FAM120A: variants seen among roughly 807,000 people sequenced by gnomAD.
FAM120A encodes the protein family with sequence similarity 120 member A.
In FAM120A, 15 loss-of-function variants were observed where a neutral mutation model predicts 109.7. The ratio of observed to expected loss-of-function variants is 0.14; its 90% CI spans 0.09 to 0.21. FAM120A has a LOEUF of 0.21. FAM120A is among the 10% of genes least tolerant of loss of function. The pLI, the probability that FAM120A is intolerant of heterozygous loss-of-function variation, is 1.00. For missense variants in FAM120A, 899 were observed against 1,439.3 expected, an observed-to-expected ratio of 0.62 and a Z score of 6.07; for synonymous variants, 493 against 572.8, an observed-to-expected ratio of 0.86 and a Z score of 1.99.
chr9:93,562,171 T>C, intron 16 of FAM120A, 37 bp from the exon 17 acceptor site: 1 of 1,474,172 alleles, frequency 6.8e-7, no homozygotes, highest in Non-Finnish European at 9.5e-7. Context: ...CTGTAACAGA[T>C]TTAAGTGTTT....
At position 93,557,957 on chromosome 9, in the gene FAM120A, C is replaced by T. The variant is rs150176698; in HGVS notation, c.2615C>T (p.Pro872Leu). 3.8e-4 allele frequency: 615 copies of T among 1,605,358 alleles called. No homozygotes were observed. Among genetic ancestry groups the T allele is most frequent in the Middle Eastern group, 5.0e-4 (3 of 6,042 alleles). ...ALPFYPASAY[P>L]RHFGPVPPSQ... The stretch of plus-strand genomic sequence containing the variant: ...CCCTTCTACCCTGCCTCTGCGTACC[C>T]CCGGCACTTTGGGCCTGTCCCACCC... The change falls in exon 14 of 18, where the codon CCC becomes CTC. Residue 872 changes from proline (P) to leucine (L), a missense_variant. Pro to Leu is a moderately conservative substitution (Grantham distance 98). This residue lies in a region of FAM120A where 129 missense variants were observed against 153.4 expected (regional missense o/e 0.84). Transcript: ENST00000277165.
Position 93,557,909 on chromosome 9 carries a change from C to T in FAM120A, c.2567C>T (p.Pro856Leu), listed in dbSNP as rs1862345381. 1.9e-6 allele frequency: 3 copies of T among 1,611,986 alleles called. No individual in the cohort carries two copies. In the East Asian group the frequency reaches 6.7e-5, roughly 36 times the overall value. Residue 856 changes from proline to leucine, a missense_variant, in exon 14 of 18, where the codon CCT (proline) becomes CTT (leucine). This residue lies in a region of FAM120A where 129 missense variants were observed against 153.4 expected (regional missense o/e 0.84). Coordinates refer to ENST00000277165, the MANE Select transcript of FAM120A (RefSeq NM_014612.5). ...TTCTCCAGGCAGAGCCACACGCTCC[C>T]TTTCCCGCCGCCACCTGCCCTGCCC... ...LSFSRQSHTLPFPPPPALPFY... is the reference protein window; with the variant it reads ...LSFSRQSHTLLFPPPPALPFY...
intron 5 of FAM120A, among the ~76,000 whole-genome samples, chr9:93,499,973 C>T (rs1859730966): frequency 6.6e-6 from 1 of 152,194 alleles, no homozygotes; most frequent in Non-Finnish European, 1.5e-5. Context: ...ATGTATGTGG[C>T]TGGGTGGTGG....
At chr9:93,511,739 A>G (rs568373021) in intron 5 of FAM120A, among the ~76,000 whole-genome samples, 1 of 152,368 alleles carries the variant, frequency 6.6e-6, no homozygotes, top group South Asian at 2.1e-4. Flanking sequence ...TGGACTCGAC[A>G]TCTTCAAAGC....
intron 5 of FAM120A, among the ~76,000 whole-genome samples, chr9:93,506,580 C>CA (rs939971730): frequency 6.7e-6 from 1 of 148,866 alleles, no homozygotes; most frequent in Non-Finnish European, 1.5e-5. Context: ...TGACTTAGGG[C>CA]ATGATTTTTT....
chr9:93,520,841 T>G (rs1463482284), intron 7 of FAM120A, among the ~76,000 whole-genome samples: 1 of 152,254 alleles, frequency 6.6e-6, no homozygotes, highest in Non-Finnish European at 1.5e-5. Context: ...CAGGAAATGC[T>G]CTCAGCCAGT....
At chr9:93,494,046 C>G (rs147234952) in intron 3 of FAM120A, among the ~76,000 whole-genome samples, 3 of 152,166 alleles carry the variant, frequency 2.0e-5, no homozygotes, top group African/African-American at 7.2e-5. Flanking sequence ...AGTCTCTGAT[C>G]GAGGTCCAGG....
chr9:93,463,527 A>G (rs1449167353), intron 1 of FAM120A, among the ~76,000 whole-genome samples: 1 of 152,188 alleles, frequency 6.6e-6, no homozygotes, highest in Admixed American at 6.5e-5. Context: ...GACTTTTTTT[A>G]ATGTTCTTAT....
At chr9:93,455,998 A>AT (rs1857534796) in intron 1 of FAM120A, among the ~76,000 whole-genome samples, 1 of 152,192 alleles carries the variant, frequency 6.6e-6, no homozygotes, top group Admixed American at 6.5e-5. Context: ...TATTTCTTTT[A>AT]CAGAGTAGTA....
At chr9:93,507,937 T>C (rs1860138870) in intron 5 of FAM120A, among the ~76,000 whole-genome samples, 1 of 151,882 alleles carries the variant, frequency 6.6e-6, no homozygotes, top group Non-Finnish European at 1.5e-5. Context: ...CATAAAGGGG[T>C]GGGGCTTTGA....
chr9:93,469,556 A>G (rs1021885709), intron 1 of FAM120A, among the ~76,000 whole-genome samples: 1 of 152,238 alleles, frequency 6.6e-6, no homozygotes, highest in South Asian at 2.1e-4. Flanking sequence ...GATTTGAGGT[A>G]AAGAACTTGG....
chr9:93,485,398 C>A (rs1564320440), intron 3 of FAM120A, among the ~76,000 whole-genome samples: 1 of 152,044 alleles, frequency 6.6e-6, no homozygotes, highest in Non-Finnish European at 1.5e-5. Context: ...GAGTTCGAGA[C>A]CAGCCTGGGT....
rs757572867 is a variant in FAM120A, at chr9:93,564,512, A to C, written c.3329A>C (p.Glu1110Ala). ...GCTTGCCGCAGAGAAGCTGCTCTGG[A>C]GGCAGCTGTCTTAAATAAAGAAGAG... Reference protein sequence around the residue: ...DSACRREAALEAAVLNKEE With the variant: ...DSACRREAALAAAVLNKEE The change falls in exon 18 of 18, where the codon GAG becomes GCG. Residue 1110 changes from glutamate to alanine, a missense_variant. Coordinates refer to ENST00000277165, the MANE Select transcript of FAM120A (RefSeq NM_014612.5). 6.2e-7 allele frequency: 1 copy of C among 1,611,626 alleles called. No individual in the cohort carries two copies. The highest frequency in any genetic ancestry group is 1.1e-5 in the South Asian group (1 of 91,056).
intron 2 of FAM120A, 59 bp from the exon 3 acceptor site, chr9:93,476,196 GA>G (rs1384221277): frequency 5.5e-5 from 65 of 1,187,458 alleles, no homozygotes; most frequent in Non-Finnish European, 7.6e-5. Context: ...CAGCACTTTT[GA>G]AAGTTTCCCT....
At chr9:93,496,247 A>G (rs1859570204) in intron 3 of FAM120A, among the ~76,000 whole-genome samples, 2 of 152,246 alleles carry the variant, frequency 1.3e-5, no homozygotes, top group African/African-American at 4.8e-5. Context: ...ATATTTTGAC[A>G]TCCTCCCATG....
chr9:93,545,779 C>CTTT (rs1564355502), intron 11 of FAM120A, among the ~76,000 whole-genome samples: 2 of 86,994 alleles, frequency 2.3e-5, no homozygotes, highest in African/African-American at 8.6e-5. Context: ...GGGAAAGACT[C>CTTT]CTTTTTTTTT....
chr9:93,505,241 TA>T (rs1266853313), intron 5 of FAM120A, among the ~76,000 whole-genome samples: 3 of 151,964 alleles, frequency 2.0e-5, no homozygotes, highest in Admixed American at 2.0e-4. Context: ...TTTGTATTTT[TA>T]GTAGAGATGG....
chr9:93,452,570 C>A lies in FAM120A; in HGVS notation c.474+181C>A. ...GATGGATGGCCGCGGGTGCAGGCCG[C>A]GCGCTGCCCAAGCCCGTCTCCAGCT... On this transcript the variant is annotated intron_variant, in intron 1 of 17. Coordinates refer to ENST00000277165, the MANE Select transcript of FAM120A (RefSeq NM_014612.5). This position sits in a 1 kb window ranked among gnomAD's most constrained non-coding sequence, Gnocchi z 7.0. 2 of 1,592,142 alleles carry A rather than the reference C, an allele frequency of 1.3e-6. No homozygotes were observed. Among genetic ancestry groups the A allele is most frequent in the East Asian group, 2.2e-5 (1 of 44,650 alleles).
intron 1 of FAM120A, among the ~76,000 whole-genome samples, chr9:93,464,163 T>C (rs1857912404): frequency 2.0e-5 from 3 of 152,174 alleles, no homozygotes; most frequent in Admixed American, 2.0e-4. Context: ...TCTTATGGGG[T>C]CTTCCTGTAG....
Sources: allele counts gnomAD v4.1 joint callset (sites outside exome capture counted in the v4.1 genomes callset), GRCh38; gene constraint gnomAD v4.1.1; regional missense constraint gnomAD v4.1.1; non-coding constraint Gnocchi (gnomAD v3.1); transcripts MANE v1.5; gene names NCBI Gene and HGNC (gene_info 2026-07-23, HGNC 2026-07-21).